Variants in C18orf54 observed in about 807,000 individuals in gnomAD.
C18orf54 encodes the protein chromosome 18 open reading frame 54.
In C18orf54, 49 loss-of-function variants were observed where a neutral mutation model predicts 49.3. The ratio of observed to expected loss-of-function variants is 0.99; its 90% CI spans 0.79 to 1.26. The LOEUF is 1.26. Among genes scored for constraint, C18orf54 ranks in the 50% most tolerant of loss-of-function variants. C18orf54 has a pLI of 0.00. For synonymous variants in C18orf54, 211 were observed against 216.6 expected (o/e 0.97, Z 0.23); for missense variants, 687 against 620.6 (o/e 1.11, Z -1.14).
At chr18:54,368,823 CTATCTT>C (rs1158734731) in intron 6 of C18orf54, among the ~76,000 whole-genome samples, 12 of 152,040 alleles carry the variant, frequency 7.9e-5, no homozygotes, top group African/African-American at 2.2e-4. Context: ...TAATGAAAAA[CTATCTT>C]TATATTTGTT....
chr18:54,369,773 A>G (rs1736903161), intron 6 of C18orf54, among the ~76,000 whole-genome samples: 7 of 152,126 alleles, frequency 4.6e-5, no homozygotes, highest in South Asian at 2.1e-4. Flanking sequence ...CCAGCTGAAT[A>G]TTGCTCTTTT....
At chr18:54,359,851 G>A (rs2089227444) in intron 2 of C18orf54, among the ~76,000 whole-genome samples, 1 of 152,142 alleles carries the variant, frequency 6.6e-6, no homozygotes, top group Non-Finnish European at 1.5e-5. Context: ...AGCTTCCTTT[G>A]AAAGAGGTGA....
intron 6 of C18orf54, among the ~76,000 whole-genome samples, chr18:54,370,835 G>A (rs745630762): frequency 1.8e-4 from 28 of 152,130 alleles, no homozygotes; most frequent in Non-Finnish European, 3.4e-4. Flanking sequence ...TAAGGCAGCC[G>A]AAGTTCTAAA....
chr18:54,360,819 T>A lies in C18orf54; in HGVS notation c.247T>A (p.Ser83Thr), dbSNP rs780009815. ...CATTGATGAGGATTTTACTAATATG[T>A]CACAGTTCTGCAACTATATTTACAA... The part of the protein sequence containing the change: ...INIDEDFTNM[S>T]QFCNYIYKPN... Residue 83 changes from serine to threonine, a missense_variant, in exon 3 of 9, where the codon TCA becomes ACA. By Grantham distance (58) the Ser-to-Thr change is moderately conservative (BLOSUM62 1). Transcript: ENST00000620105. 2 of 1,612,980 alleles carry A rather than the reference T, an allele frequency of 1.2e-6. No individual in the cohort carries two copies. The highest frequency in any genetic ancestry group is 8.5e-7 in the Non-Finnish European group (1 of 1,179,276).
At chr18:54,360,467 A>G (rs2089242128) in intron 2 of C18orf54, 60 bp from the exon 3 acceptor site, 1 of 1,084,106 alleles carries the variant, frequency 9.2e-7, no homozygotes, top group Admixed American at 2.3e-5. Flanking sequence ...ATATTTAGTA[A>G]TTTTGTTTGT....
chr18:54,358,272 A>G (rs1024904498), intron 1 of C18orf54, among the ~76,000 whole-genome samples, 197 bp downstream of exon 1: 8 of 151,940 alleles, frequency 5.3e-5, no homozygotes, highest in African/African-American at 1.9e-4. Context: ...AAGGAAGAAC[A>G]CTGTAGGGGG....
At chr18:54,372,937 T>C (rs764314914) in intron 7 of C18orf54, among the ~76,000 whole-genome samples, 1 of 151,964 alleles carries the variant, frequency 6.6e-6, no homozygotes, top group Non-Finnish European at 1.5e-5. Context: ...CTGGTAGTTA[T>C]ATTCGAGGAG....
At chr18:54,375,322 A>G (rs958712542) in intron 8 of C18orf54, among the ~76,000 whole-genome samples, 2 of 151,624 alleles carry the variant, frequency 1.3e-5, no homozygotes, top group African/African-American at 2.4e-5. Context: ...TGGAGTAGTA[A>G]AGTAACTTGC....
chr18:54,370,898 C>T (rs559171677), intron 6 of C18orf54, among the ~76,000 whole-genome samples: 8 of 150,498 alleles, frequency 5.3e-5, no homozygotes, highest in African/African-American at 1.7e-4. Flanking sequence ...CAGATGCTAT[C>T]TCCCAGGGTG....
In C18orf54 at chr18:54,378,965, T is replaced by G. The variant is rs931737324; in HGVS notation, c.*719T>G. On this transcript the variant is annotated 3_prime_UTR_variant, in exon 9 of 9. Coordinates refer to ENST00000620105, the MANE Select transcript of C18orf54 (RefSeq NM_001288980.2). The stretch of plus-strand genomic sequence containing the variant: ...TATTTAAGAATTTAATATTTTGATA[T>G]TAGATTGTTTCCCAGATTTTAATTT... 6.6e-6 allele frequency: 1 copy of G among 152,250 alleles called. No individual in the cohort carries two copies. Among genetic ancestry groups the G allele is most frequent in the African/African-American group, 2.4e-5 (1 of 41,576 alleles). The allele number at this position is 152,250 out of a possible 1,614,324, so 9.4% of individuals were successfully genotyped here.
intron 1 of C18orf54, chr18:54,358,436 T>A (rs1199723658): frequency 1.3e-5 from 2 of 152,456 alleles, no homozygotes; most frequent in Admixed American, 1.3e-4. Flanking sequence ...TCGCCCTGGC[T>A]GCTGAATAAA....
intron 7 of C18orf54, among the ~76,000 whole-genome samples, chr18:54,373,944 G>T (rs1053153351): frequency 6.6e-6 from 1 of 151,700 alleles, no homozygotes; most frequent in Admixed American, 6.6e-5. Flanking sequence ...TGAGATATAA[G>T]CCTGTTCAAT....
intron 7 of C18orf54, among the ~76,000 whole-genome samples, chr18:54,373,427 A>G (rs999735756): frequency 9.2e-5 from 14 of 151,768 alleles, no homozygotes; most frequent in South Asian, 2.1e-4. Flanking sequence ...TCCATTAGTA[A>G]TTTTCAAGTA....
rs956257985 is a variant in C18orf54 at position 54,361,865 on chromosome 18, A to G, written c.506A>G (p.His169Arg). ...LGSLDIEKNP[H>R]FQGPYTSMGK... ...TCATTGGACATTGAGAAGAATCCAC[A>G]TTTTCAAGGACCCTACACTTCCATG... Residue 169 changes from histidine to arginine, a missense_variant, in exon 4 of 9, where the codon CAT (histidine) becomes CGT (arginine). By Grantham distance (29) the His-to-Arg change is conservative. Transcript: ENST00000620105. The G allele has an allele frequency of 2.5e-6, 4 of 1,613,850 alleles. No individual in the cohort carries two copies. Among genetic ancestry groups the G allele is most frequent in the African/African-American group, 1.3e-5 (1 of 74,854 alleles).
chr18:54,364,055 GTGA>G (rs1285850743), intron 5 of C18orf54: 3 of 151,920 alleles, frequency 2.0e-5, no homozygotes, highest in Non-Finnish European at 4.4e-5. Flanking sequence ...AATTTTAGTA[GTGA>G]TGATGATTAT....
chr18:54,363,420 C>A (rs1218311848), intron 5 of C18orf54, among the ~76,000 whole-genome samples: 2 of 152,100 alleles, frequency 1.3e-5, no homozygotes, highest in African/African-American at 2.4e-5. Context: ...TGGGTTCAAG[C>A]CATTCTCCTG....
intron 7 of C18orf54, 126 bp from the exon 8 acceptor site, chr18:54,374,088 T>G: frequency 5.6e-6 from 5 of 889,182 alleles, no homozygotes; most frequent in African/African-American, 1.7e-5. Flanking sequence ...TTAATACTCT[T>G]GAAAATTAGA....
rs999668233 is a variant in C18orf54 at position 54,380,479 on chromosome 18, G to C, written c.*2233G>C. On this transcript the variant is annotated 3_prime_UTR_variant, in exon 9 of 9. Transcript: ENST00000620105. ...ATTTCAAAAAACTATTTGAGATCAAGGGACAATGGTGTGACCAATATGAAG... is the reference window on the plus strand; with the variant it reads ...ATTTCAAAAAACTATTTGAGATCAACGGACAATGGTGTGACCAATATGAAG... The C allele has an allele frequency of 1.3e-5, 2 of 151,992 alleles. No homozygotes were observed. Among genetic ancestry groups the C allele is most frequent in the Non-Finnish European group, 1.5e-5 (1 of 67,910 alleles). 9.4% of individuals were successfully genotyped at this position (151,992 alleles called of 1,614,324 possible). A position where few individuals can be genotyped will look rare whatever the true frequency, so the allele number is the denominator to read the frequency against.
At chr18:54,373,470 G>T (rs2089522602) in intron 7 of C18orf54, among the ~76,000 whole-genome samples, 1 of 151,748 alleles carries the variant, frequency 6.6e-6, no homozygotes. Flanking sequence ...TAGTCACCAT[G>T]TTGTACAATA....
Sources: allele counts gnomAD v4.1 joint callset (sites outside exome capture counted in the v4.1 genomes callset), GRCh38; gene constraint gnomAD v4.1.1; transcripts MANE v1.5; gene names NCBI Gene and HGNC (gene_info 2026-07-23, HGNC 2026-07-21).